Variants in PEAK1 observed in about 807,000 individuals in gnomAD.
PEAK1 encodes pseudopodium enriched atypical kinase 1, also known as inactive tyrosine-protein kinase PEAK1.
A neutral mutation model predicts 124.7 loss-of-function variants in PEAK1; 54 were observed. The observed-to-expected ratio is 0.43, with a 90% CI of 0.35 to 0.54. The LOEUF (loss-of-function observed/expected upper bound fraction) is 0.54, where lower values mean the gene tolerates loss of function less well. Ranked by LOEUF, PEAK1 falls within the 20% of genes least tolerant of loss-of-function variation. The probability of loss-of-function intolerance (pLI) is 0.01; values close to 1 mark genes in which losing one functional copy is unlikely to be tolerated. For synonymous variants in PEAK1, 719 were observed against 760.0 expected (o/e 0.95, Z 0.89); for missense variants, 2,046 against 2,134.5 (o/e 0.96, Z 0.82).
chr15:77,184,742 C>T (rs1264813930), intron 6 of PEAK1, among the ~76,000 whole-genome samples: 1 of 152,064 alleles, frequency 6.6e-6, no homozygotes. Context: ...ACCAAAAATA[C>T]AAAAATTAGC....
chr15:77,336,434 C>T, intron 2 of PEAK1: 1 of 985,346 alleles, frequency 1.0e-6, no homozygotes, highest in Non-Finnish European at 1.2e-6. Flanking sequence ...TTAATGGTAA[C>T]CTACTTTGGT....
chr15:77,149,121 A>T lies in PEAK1; in HGVS notation c.3331+9382T>A, dbSNP rs1016559938. Among the ~76,000 whole-genome samples the T allele has an allele frequency of 2.6e-5, 4 of 152,212 alleles. No individual in the cohort carries two copies. The East Asian group carries it at 7.7e-4, about 29-fold the overall frequency. On this transcript the variant is annotated intron_variant, in intron 8 of 9. Coordinates refer to ENST00000682557, the MANE Select transcript of PEAK1 (RefSeq NM_001385026.1). ...CTCAGGGATGTTAAATAGCCAGCCC[A>T]CAATCATGCAAGTGGGCAATGACAC...
At chr15:77,223,523 G>T (rs953053076) in intron 6 of PEAK1, among the ~76,000 whole-genome samples, 14 of 152,038 alleles carry the variant, frequency 9.2e-5, no homozygotes, top group Admixed American at 9.2e-4. Flanking sequence ...ACACATTTGT[G>T]TGTGTGTCGA....
intron 2 of PEAK1, chr15:77,350,097 A>ACC (rs1406350392): frequency 3.0e-6 from 3 of 985,238 alleles, no homozygotes; most frequent in Non-Finnish European, 3.6e-6. Flanking sequence ...ATAAGAGCAT[A>ACC]CCCCCAAATA....
intron 8 of PEAK1, chr15:77,156,851 TA>T (rs1352188152): frequency 6.6e-6 from 1 of 152,206 alleles, no homozygotes; most frequent in Non-Finnish European, 1.5e-5. Context: ...ATTTTCATTT[TA>T]TAATATGCCT....
chr15:77,404,035 G>C (rs1039373894), intron 1 of PEAK1: 1 of 981,378 alleles, frequency 1.0e-6, no homozygotes, highest in African/African-American at 1.8e-5. Flanking sequence ...GTTAAAAACA[G>C]AACTTTAGAA....
In PEAK1 at chr15:77,153,036, A is replaced by G. The variant is rs931967113; in HGVS notation, c.3331+5467T>C. Among the ~76,000 whole-genome samples the G allele has an allele frequency of 7.9e-5, 12 of 151,988 alleles. 1 individual carries two copies. Among genetic ancestry groups the G allele is most frequent in the African/African-American group, 2.2e-4 (9 of 41,454 alleles). ...GTTAGGGAGGATTCCCTCTTTTTCTATTGATTGGAATAGTTTCAGAAGGAA... is the reference window on the plus strand; with the variant it reads ...GTTAGGGAGGATTCCCTCTTTTTCTGTTGATTGGAATAGTTTCAGAAGGAA... On this transcript the variant is annotated intron_variant, in intron 8 of 9. Transcript: ENST00000682557.
chr15:77,405,109 G>A (rs540961723), intron 1 of PEAK1, among the ~76,000 whole-genome samples: 1 of 151,708 alleles, frequency 6.6e-6, no homozygotes, highest in African/African-American at 2.4e-5. Flanking sequence ...GGGTTCAAGC[G>A]ATTCCCCTGC....
chr15:77,334,351 C>T, intron 2 of PEAK1: 1 of 985,290 alleles, frequency 1.0e-6, no homozygotes, highest in South Asian at 4.7e-5. Context: ...CTGGTCCTGA[C>T]ACCAGAAGGA....
chr15:77,395,046 T>C (rs910435642), intron 1 of PEAK1, among the ~76,000 whole-genome samples: 2 of 152,098 alleles, frequency 1.3e-5, no homozygotes, highest in Admixed American at 6.5e-5. Context: ...TTTGAGGAAA[T>C]GCAATAAAAA....
rs79891359 is a variant in PEAK1, at chr15:77,259,819, G to A, written c.-274-7293C>T. 4.3e-3 allele frequency among the ~76,000 whole-genome samples: 653 copies of A among 152,242 alleles called. 1 individual carries two copies. The highest frequency in any genetic ancestry group is 0.013 in the African/African-American group (558 of 41,552). On this transcript the variant is annotated intron_variant, in intron 5 of 9. Coordinates refer to ENST00000682557, the MANE Select transcript of PEAK1 (RefSeq NM_001385026.1). Reference sequence around the variant, plus strand: ...GAAATTTACCACTTCAGTAGAGGGAGGAAGAATTTACACAGAGCCTGGCAA... The same window carrying A: ...GAAATTTACCACTTCAGTAGAGGGAAGAAGAATTTACACAGAGCCTGGCAA...
exon 7 of PEAK1, chr15:77,102,926 A>G (rs1289463881): frequency 6.6e-6 from 1 of 152,186 alleles, no homozygotes; most frequent in African/African-American, 2.4e-5. Context: ...TTCAAATTTC[A>G]CTAAAATTTG....
intron 5 of PEAK1, among the ~76,000 whole-genome samples, chr15:77,255,090 G>A (rs2061064163): frequency 6.6e-6 from 1 of 152,066 alleles, no homozygotes; most frequent in South Asian, 2.1e-4. Flanking sequence ...TCCAGATATA[G>A]GGCACACATG....
At chr15:77,223,207 AT>A (rs1053876416) in intron 6 of PEAK1, among the ~76,000 whole-genome samples, 4 of 152,178 alleles carry the variant, frequency 2.6e-5, no homozygotes, top group Non-Finnish European at 5.9e-5. Flanking sequence ...AATACTGTAA[AT>A]TGTGAATTCA....
chr15:77,261,377 A>G (rs950726840), intron 5 of PEAK1, among the ~76,000 whole-genome samples: 34 of 152,290 alleles, frequency 2.2e-4, no homozygotes, highest in African/African-American at 7.9e-4. Flanking sequence ...ACCTTGAAAC[A>G]AGATTAGACG....
At chr15:77,246,738 G>A (rs1379546542) in intron 6 of PEAK1, among the ~76,000 whole-genome samples, 2 of 152,108 alleles carry the variant, frequency 1.3e-5, no homozygotes, top group African/African-American at 4.8e-5. Flanking sequence ...TGTATAGAAG[G>A]ACCAGGCATG....
At position 77,376,922 on chromosome 15, in the gene PEAK1, G is replaced by A. The variant is rs187658902; in HGVS notation, c.-665-11697C>T. The stretch of plus-strand genomic sequence containing the variant: ...ATACATTCTGAGAAATTCATCAGTA[G>A]GTGATCATTGTGCAAACATCGTAGA... On this transcript the variant is annotated intron_variant, in intron 1 of 9. Coordinates refer to ENST00000682557, the MANE Select transcript of PEAK1 (RefSeq NM_001385026.1). 1.5e-3 allele frequency among the ~76,000 whole-genome samples: 226 copies of A among 152,278 alleles called. 5 individuals carry two copies. In the East Asian group the frequency reaches 0.037, roughly 25 times the overall value.
Position 77,292,877 on chromosome 15 carries a change from T to C in PEAK1, c.-602-6373A>G, listed in dbSNP as rs1022258938. Among the ~76,000 whole-genome samples the C allele has an allele frequency of 3.9e-5, 6 of 152,186 alleles. No individual in the cohort carries two copies. In the South Asian group the frequency reaches 8.3e-4, roughly 21 times the overall value. On this transcript the variant is annotated intron_variant, in intron 2 of 9. Coordinates refer to ENST00000682557, the MANE Select transcript of PEAK1 (RefSeq NM_001385026.1). Reference sequence around the variant, plus strand: ...CATACGTAGCAGGAAAGGCAAGTTATAGAACTCCCTAGTGTGAGATTCTCT... The same window carrying C: ...CATACGTAGCAGGAAAGGCAAGTTACAGAACTCCCTAGTGTGAGATTCTCT...
At chr15:77,291,262 C>T (rs2063195776) in intron 2 of PEAK1, among the ~76,000 whole-genome samples, 1 of 152,094 alleles carries the variant, frequency 6.6e-6, no homozygotes, top group African/African-American at 2.4e-5. Flanking sequence ...TTAAAACACC[C>T]CTACTGATAT....
Sources: gnomAD v4.1 joint callset for allele counts (sites outside exome capture counted in the v4.1 genomes callset) on GRCh38, gnomAD v4.1.1 for gene constraint, MANE v1.5 for transcripts, NCBI Gene and HGNC (gene_info 2026-07-23, HGNC 2026-07-21) for gene names.